The following ETNK1 variants were observed in gnomAD, a reference collection of about 807,000 sequenced individuals.
ETNK1 encodes putative protein product of Nbla10396.
A neutral mutation model predicts 45.1 loss-of-function variants in ETNK1; 8 were observed. The observed-to-expected ratio is 0.18, with a 90% CI of 0.10 to 0.32. The LOEUF (loss-of-function observed/expected upper bound fraction) is 0.32, where lower values mean the gene tolerates loss of function less well. Ranked by LOEUF, ETNK1 falls within the 10% of genes least tolerant of loss-of-function variation. The pLI, the probability that ETNK1 is intolerant of heterozygous loss-of-function variation, is 1.00. For synonymous variants in ETNK1, 152 were observed against 151.9 expected, an observed-to-expected ratio of 1.00 and a Z score of -0.01; for missense variants, 302 against 430.6, an observed-to-expected ratio of 0.70 and a Z score of 2.64.
chr12:22,653,706 T>C (rs1953906353), intron 2 of ETNK1, among the ~76,000 whole-genome samples: 1 of 152,198 alleles, frequency 6.6e-6, no homozygotes, highest in Admixed American at 6.5e-5. Context: ...TTTTCTGTTC[T>C]GCAACTGCTG....
chr12:22,679,045 A>C (rs907331401), intron 6 of ETNK1, among the ~76,000 whole-genome samples: 1 of 152,232 alleles, frequency 6.6e-6, no homozygotes, highest in African/African-American at 2.4e-5. Context: ...CTCCAGAGGG[A>C]CAGAACTAAT....
At chr12:22,683,101 AAAT>A (rs1214571863) in intron 6 of ETNK1, among the ~76,000 whole-genome samples, 1 of 152,156 alleles carries the variant, frequency 6.6e-6, no homozygotes, top group Non-Finnish European at 1.5e-5. Context: ...ACAGATGAGG[AAAT>A]AAACGCACCA....
At chr12:22,681,440 A>G (rs1954214897) in intron 6 of ETNK1, among the ~76,000 whole-genome samples, 1 of 152,088 alleles carries the variant, frequency 6.6e-6, no homozygotes, top group Non-Finnish European at 1.5e-5. Flanking sequence ...AGAAGAGATT[A>G]GGATACCATC....
Position 22,685,158 on chromosome 12 carries a change from G to A in ETNK1, c.*204G>A. ...ATACCTACTGCTATCCGTATGTGGTGGATTAGAAATGTGTTAAATCTGCAA... is the reference window on the plus strand; with the variant it reads ...ATACCTACTGCTATCCGTATGTGGTAGATTAGAAATGTGTTAAATCTGCAA... On this transcript the variant is annotated 3_prime_UTR_variant, in exon 8 of 8. Transcript: ENST00000266517. 2.3e-6 allele frequency: 1 copy of A among 430,108 alleles called. No homozygotes were observed. The allele number at this position is 430,108 out of a possible 1,614,324, so 26.6% of individuals were successfully genotyped here.
At chr12:22,647,084 T>C (rs1277481452) in intron 2 of ETNK1, among the ~76,000 whole-genome samples, 1 of 151,878 alleles carries the variant, frequency 6.6e-6, no homozygotes, top group African/African-American at 2.4e-5. Context: ...ATTCCACTTA[T>C]GGAAATTTAT....
chr12:22,626,100 A>G (rs927630053), intron 1 of ETNK1: 1 of 338,386 alleles, frequency 3.0e-6, no homozygotes, highest in Non-Finnish European at 5.9e-6. Context: ...GACCACGACC[A>G]TGCATCGCTA....
intron 1 of ETNK1, among the ~76,000 whole-genome samples, chr12:22,640,344 G>C (rs1451870799): frequency 6.7e-6 from 1 of 150,230 alleles, no homozygotes; most frequent in Non-Finnish European, 1.5e-5. Flanking sequence ...ATATAGGGTA[G>C]TACTAACTTG....
Position 22,673,443 on chromosome 12 carries a change from G to A in ETNK1, c.785-57G>A. 3 of 1,342,222 alleles carry A rather than the reference G, an allele frequency of 2.2e-6. No individual in the cohort carries two copies. In the South Asian group the frequency reaches 4.8e-5, roughly 22 times the overall value. The allele number at this position is 1,342,222 out of a possible 1,614,324, so 83.1% of individuals were successfully genotyped here. A position where few individuals can be genotyped will look rare whatever the true frequency, so the allele number is the denominator to read the frequency against. ...AATGGTGGTTTTAGGGATTATTAAG[G>A]TATGCAGAAGAGTTTATGTTTTAAA... On this transcript the variant is annotated intron_variant, in intron 5 of 7. Coordinates refer to ENST00000266517, the MANE Select transcript of ETNK1 (RefSeq NM_018638.5).
In ETNK1 at chr12:22,625,439, T is replaced by C. The variant is rs75081525; in HGVS notation, c.9T>C (p.Asn3=). ...CCGCCGTCGCCTGGGCCATGGCCAA[T>C]TACATCCACGTCCCTCCCGGCTCCC... is the stretch of plus-strand genomic sequence containing the variant. MA[N]YIHVPPGSPE... Residue 3 remains asparagine, a synonymous_variant, in exon 1 of 8, where the codon AAT becomes AAC. Transcript: ENST00000266517. The C allele has an allele frequency of 3.0e-3, 4,791 of 1,588,724 alleles. 146 individuals carry two copies. In the African/African-American group the frequency reaches 0.059, roughly 19 times the overall value.
intron 6 of ETNK1, among the ~76,000 whole-genome samples, chr12:22,682,820 A>G (rs936667121): frequency 6.6e-6 from 1 of 152,216 alleles, no homozygotes; most frequent in African/African-American, 2.4e-5. Context: ...GTAACATATC[A>G]GTATAATTAT....
intron 4 of ETNK1, among the ~76,000 whole-genome samples, chr12:22,662,717 A>T (rs931658054): frequency 1.3e-5 from 2 of 152,180 alleles, no homozygotes; most frequent in African/African-American, 4.8e-5. Context: ...GTTTTTGAAG[A>T]TAGTTATTAC....
chr12:22,664,846 G>T (rs766475664), intron 4 of ETNK1, among the ~76,000 whole-genome samples: 2 of 152,066 alleles, frequency 1.3e-5, no homozygotes, highest in Non-Finnish European at 2.9e-5. Flanking sequence ...GATACCAATA[G>T]ATAAAACGTA....
At chr12:22,651,925 A>C (rs1953881762) in intron 2 of ETNK1, among the ~76,000 whole-genome samples, 1 of 152,068 alleles carries the variant, frequency 6.6e-6, no homozygotes, top group South Asian at 2.1e-4. Flanking sequence ...ACCTCAGGTG[A>C]TCTGCCCACC....
At chr12:22,668,089 G>C (rs1373218087) in intron 4 of ETNK1, among the ~76,000 whole-genome samples, 3 of 152,130 alleles carry the variant, frequency 2.0e-5, no homozygotes, top group Non-Finnish European at 4.4e-5. Context: ...TAAAGTAGTA[G>C]TTCTTTACTT....
chr12:22,625,812 A>G, intron 1 of ETNK1: 1 of 742,144 alleles, frequency 1.3e-6, no homozygotes, highest in Non-Finnish European at 2.4e-6. Flanking sequence ...TTCTCTTTCT[A>G]GAAGCCGCTG....
chr12:22,668,502 G>A (rs1465950734), intron 4 of ETNK1, among the ~76,000 whole-genome samples: 1 of 152,198 alleles, frequency 6.6e-6, no homozygotes, highest in Non-Finnish European at 1.5e-5. Flanking sequence ...GTTTGAAAAA[G>A]AATAGTTAAT....
intron 6 of ETNK1, among the ~76,000 whole-genome samples, chr12:22,679,275 T>C (rs1468855241): frequency 1.3e-5 from 2 of 152,106 alleles, no homozygotes; most frequent in African/African-American, 4.8e-5. Flanking sequence ...GGCGTTTAAG[T>C]CCAAGTGTCC....
In ETNK1 at chr12:22,673,518, A is replaced by G; in HGVS notation, c.803A>G (p.Tyr268Cys). The change falls in exon 6 of 8, where the codon TAT becomes TGT. Residue 268 changes from tyrosine to cysteine, a missense_variant. Transcript: ENST00000266517. ...NEFAGVSDVD[Y>C]SLYPDRELQS... ...TCTAAAGGTGTGAGTGATGTAGACTATAGTCTGTATCCAGATAGAGAACTA... is the reference window on the plus strand; with the variant it reads ...TCTAAAGGTGTGAGTGATGTAGACTGTAGTCTGTATCCAGATAGAGAACTA... 1 of 1,613,036 alleles carries G rather than the reference A, an allele frequency of 6.2e-7. No homozygotes were observed. The highest frequency in any genetic ancestry group is 8.5e-7 in the Non-Finnish European group (1 of 1,179,390).
At position 22,685,662 on chromosome 12, in the gene ETNK1, ATTAG is replaced by A. The variant is rs1485180056; in HGVS notation, c.*712_*715del. Reference sequence around the variant, plus strand: ...TTTACCATATAATCTTGGAATAAGTATTAGTTAATGTTACCAAAATCTGTATTAA... The same window carrying A: ...TTTACCATATAATCTTGGAATAAGTATTAATGTTACCAAAATCTGTATTAA... On this transcript the variant is annotated 3_prime_UTR_variant, in exon 8 of 8. Transcript: ENST00000266517. 1 of 151,862 alleles carries A rather than the reference ATTAG, an allele frequency of 6.6e-6. No homozygotes were observed. The highest frequency in any genetic ancestry group is 1.5e-5 in the Non-Finnish European group (1 of 67,788). 9.4% of individuals were successfully genotyped at this position (151,862 alleles called of 1,614,324 possible).
Sources: gnomAD v4.1 joint callset for allele counts (sites outside exome capture counted in the v4.1 genomes callset) on GRCh38, gnomAD v4.1.1 for gene constraint, MANE v1.5 for transcripts, NCBI Gene and HGNC (gene_info 2026-07-23, HGNC 2026-07-21) for gene names.